Variants in MAPK4 observed in about 807,000 individuals in gnomAD.
MAPK4 encodes Erk3-related.
A neutral mutation model predicts 47.7 loss-of-function variants in MAPK4; 22 were observed. The ratio of observed to expected loss-of-function variants is 0.46; its 90% CI spans 0.33 to 0.66. MAPK4 has a LOEUF of 0.66. Among genes scored for constraint, MAPK4 ranks in the 30% least tolerant of loss-of-function variants. The pLI, the probability that MAPK4 is intolerant of heterozygous loss-of-function variation, is 0.02. For missense variants in MAPK4, 736 were observed against 831.7 expected (o/e 0.88, Z 1.42); for synonymous variants, 390 against 365.7 (o/e 1.07, Z -0.76).
At chr18:50,589,010 C>T (rs2042412320) in intron 1 of MAPK4, among the ~76,000 whole-genome samples, 1 of 152,158 alleles carries the variant, frequency 6.6e-6, no homozygotes, top group Non-Finnish European at 1.5e-5. Flanking sequence ...GTAGCATCCA[C>T]AGATAAAAGA....
At chr18:50,625,911 CACACACACACACACACATAT>C (rs1443686012) in intron 1 of MAPK4, among the ~76,000 whole-genome samples, 4 of 87,688 alleles carry the variant, frequency 4.6e-5, no homozygotes, top group African/African-American at 1.8e-4. Context: ...CACACACACA[CACACACACACACACACATAT>C]ATAATGACAT....
chr18:50,630,940 G>T (rs1301831386), intron 1 of MAPK4, among the ~76,000 whole-genome samples: 1 of 152,186 alleles, frequency 6.6e-6, no homozygotes, highest in East Asian at 1.9e-4. Flanking sequence ...CCAAGGTACA[G>T]TAGATCTTCA....
chr18:50,587,050 C>T (rs2042395037), intron 1 of MAPK4, among the ~76,000 whole-genome samples: 1 of 152,062 alleles, frequency 6.6e-6, no homozygotes, highest in Non-Finnish European at 1.5e-5. Flanking sequence ...CATACTCTAC[C>T]TTATTTGATT....
At chr18:50,647,199 T>C (rs76724880) in intron 1 of MAPK4, among the ~76,000 whole-genome samples, 1,761 of 152,360 alleles carry the variant, frequency 0.012, 18 homozygotes, top group East Asian at 0.046. Context: ...CTTGATTTTA[T>C]TGCTATCCAT....
In MAPK4 at chr18:50,729,643, T is replaced by C; in HGVS notation, c.1553T>C (p.Leu518Ser). The C allele has an allele frequency of 6.7e-7, 1 of 1,491,694 alleles. No homozygotes were observed. The highest frequency in any genetic ancestry group is 8.9e-7 in the Non-Finnish European group (1 of 1,118,366). The allele number at this position is 1,491,694 out of a possible 1,614,324, so 92.4% of individuals were successfully genotyped here. A position where few individuals can be genotyped will look rare whatever the true frequency, so the allele number is the denominator to read the frequency against. ...CCCGCCGACGACCCCGAGCGCCGCT[T>C]GTCTGCCTCGCCCCCCGGCCGCCCG... is the stretch of plus-strand genomic sequence containing the variant. ...SPPADDPERR[L>S]SASPPGRPAP... The change falls in exon 6 of 6, where the codon TTG (leucine) becomes TCG (serine). Residue 518 changes from leucine (L) to serine (S), a missense_variant. Leu to Ser is a moderately radical substitution (Grantham distance 145). Transcript: ENST00000400384.
At chr18:50,626,209 A>C (rs990434085) in intron 1 of MAPK4, among the ~76,000 whole-genome samples, 2 of 152,220 alleles carry the variant, frequency 1.3e-5, no homozygotes, top group African/African-American at 4.8e-5. Context: ...ATCCAAAAAC[A>C]TCCTTACAGA....
intron 1 of MAPK4, among the ~76,000 whole-genome samples, chr18:50,659,319 G>T (rs1306328015): frequency 6.6e-6 from 1 of 152,194 alleles, no homozygotes; most frequent in East Asian, 1.9e-4. Flanking sequence ...GGCTCCTCGG[G>T]AGAAGGGCTT....
At chr18:50,687,412 T>C (rs1908943695) in intron 2 of MAPK4, among the ~76,000 whole-genome samples, 1 of 152,214 alleles carries the variant, frequency 6.6e-6, no homozygotes, top group Non-Finnish European at 1.5e-5. Flanking sequence ...TAAAAATGCC[T>C]CTAGACATTG....
At chr18:50,621,449 C>A in intron 1 of MAPK4, among the ~76,000 whole-genome samples, 1 of 152,176 alleles carries the variant, frequency 6.6e-6, no homozygotes, top group East Asian at 1.9e-4. Flanking sequence ...GGGACACGAT[C>A]CTAATGGCAG....
intron 1 of MAPK4, among the ~76,000 whole-genome samples, chr18:50,616,955 G>A (rs1014884188): frequency 6.6e-6 from 1 of 152,206 alleles, no homozygotes; most frequent in African/African-American, 2.4e-5. Context: ...AGTTGACACA[G>A]TATTAACCAT....
intron 2 of MAPK4, among the ~76,000 whole-genome samples, chr18:50,674,777 C>T (rs895116156): frequency 6.6e-6 from 1 of 152,170 alleles, no homozygotes; most frequent in Non-Finnish European, 1.5e-5. Context: ...TGGCAGGGCC[C>T]CTAGAAAAAC....
At chr18:50,716,790 G>A (rs1252158361) in intron 3 of MAPK4, among the ~76,000 whole-genome samples, 1 of 150,710 alleles carries the variant, frequency 6.6e-6, no homozygotes, top group African/African-American at 2.5e-5. Flanking sequence ...TCCTCAGCCT[G>A]CCCTGCTTCT....
chr18:50,563,278 C>G (rs1365493465), intron 1 of MAPK4, among the ~76,000 whole-genome samples: 2 of 152,160 alleles, frequency 1.3e-5, no homozygotes, highest in Admixed American at 1.3e-4. Context: ...GCAAAGACAA[C>G]TAACAAAGAC....
chr18:50,683,453 G>GGTGTGTGTGTGTGTGTGTGT (rs3045776), intron 2 of MAPK4, among the ~76,000 whole-genome samples: 1 of 142,152 alleles, frequency 7.0e-6, no homozygotes, highest in Non-Finnish European at 1.5e-5. Flanking sequence ...TTGGTGATGG[G>GGTGTGTGTGTGTGTGTGTGT]GTGTGTGTGT....
At chr18:50,634,505 T>C (rs2042863801) in intron 1 of MAPK4, among the ~76,000 whole-genome samples, 1 of 152,184 alleles carries the variant, frequency 6.6e-6, no homozygotes, top group African/African-American at 2.4e-5. Flanking sequence ...TCCTTGATCA[T>C]TGGCGTGGAT....
intron 2 of MAPK4, among the ~76,000 whole-genome samples, chr18:50,697,082 A>G (rs73959997): frequency 2.0e-5 from 3 of 152,168 alleles, no homozygotes; most frequent in African/African-American, 7.2e-5. Flanking sequence ...GACTTGCTGA[A>G]TCAGAAACCC....
intron 2 of MAPK4, among the ~76,000 whole-genome samples, chr18:50,683,873 C>G (rs1193282701): frequency 6.6e-6 from 1 of 152,066 alleles, no homozygotes; most frequent in African/African-American, 2.4e-5. Flanking sequence ...GATAGACTAA[C>G]AGTGGTTAGA....
intron 2 of MAPK4, among the ~76,000 whole-genome samples, chr18:50,692,135 T>G (rs946332927): frequency 7.2e-5 from 11 of 152,224 alleles, no homozygotes; most frequent in African/African-American, 2.4e-4. Context: ...GGTAAAAGAT[T>G]CTTCAGGCAT....
At chr18:50,707,575 A>T (rs968642211) in intron 2 of MAPK4, among the ~76,000 whole-genome samples, 2 of 151,448 alleles carry the variant, frequency 1.3e-5, no homozygotes, top group African/African-American at 4.8e-5. Flanking sequence ...GTCTCAAAAA[A>T]AAAAAAAAAA....
Sources: allele counts gnomAD v4.1 joint callset (sites outside exome capture counted in the v4.1 genomes callset), GRCh38; gene constraint gnomAD v4.1.1; transcripts MANE v1.5; gene names NCBI Gene and HGNC (gene_info 2026-07-23, HGNC 2026-07-21).